The following YWHAG variants were observed in gnomAD, a reference collection of about 807,000 sequenced individuals.
The protein encoded by YWHAG is tyrosine 3-monooxygenase/tryptophan 5-monooxygenase activation protein gamma, also known as 14-3-3 protein gamma.
YWHAG carries 1 observed loss-of-function variant against 23.3 expected under a neutral mutation model. That is an observed-to-expected ratio of 0.04 (90% CI 0.02 to 0.20). YWHAG has a LOEUF of 0.20. YWHAG is among the 10% of genes least tolerant of loss of function. YWHAG has a pLI of 1.00. For missense variants in YWHAG, 151 were observed against 338.6 expected (o/e 0.45, Z 4.35); for synonymous variants, 160 against 144.0 (o/e 1.11, Z -0.80).
chr7:76,358,687 G>A, intron 1 of YWHAG, 35 bp downstream of exon 1: 2 of 1,534,850 alleles, frequency 1.3e-6, no homozygotes, highest in East Asian at 5.1e-5. Context: ...CTTCGGAGGG[G>A]CAGGGAGCGG....
At chr7:76,344,098 T>A (rs1297332575) in intron 1 of YWHAG, among the ~76,000 whole-genome samples, 1 of 152,124 alleles carries the variant, frequency 6.6e-6, no homozygotes, top group South Asian at 2.1e-4. Flanking sequence ...GGTACAGGAC[T>A]TTAAGCAAAC....
intron 1 of YWHAG, among the ~76,000 whole-genome samples, chr7:76,354,364 C>T (rs570571228): frequency 3.3e-5 from 5 of 151,548 alleles, no homozygotes; most frequent in African/African-American, 4.8e-5. Context: ...TACAAAAATT[C>T]ACTGGGCGTG....
In YWHAG at chr7:76,358,759, G is replaced by A; in HGVS notation, c.50C>T (p.Ala17Val). ...CGCGGCCATGTCGTCGTAGCGCTCC[G>A]CCTGCTCGGCCAGCCGGGCTTTCTG... ...LVQKARLAEQ[A>V]ERYDDMAAAM... Residue 17 changes from alanine (A) to valine (V), a missense_variant, in exon 1 of 2, where the codon GCG becomes GTG. Ala to Val is a moderately conservative substitution (Grantham distance 64). Transcript: ENST00000307630. The A allele has an allele frequency of 6.3e-7, 1 of 1,594,170 alleles. No homozygotes were observed. The highest frequency in any genetic ancestry group is 8.5e-7 in the Non-Finnish European group (1 of 1,171,790).
chr7:76,328,964 T>C lies in YWHAG; in HGVS notation c.*613A>G, dbSNP rs571008155. 1.3e-5 allele frequency: 2 copies of C among 152,696 alleles called. No homozygotes were observed. Among genetic ancestry groups the C allele is most frequent in the Middle Eastern group, 3.2e-3 (1 of 316 alleles). 9.5% of individuals were successfully genotyped at this position (152,696 alleles called of 1,614,324 possible). ...ACACAATCGATGGCTTGATGTTACA[T>C]ATGGCTGTAATGTAGAAATACTGTA... On this transcript the variant is annotated 3_prime_UTR_variant, in exon 2 of 2. Coordinates refer to ENST00000307630, the MANE Select transcript of YWHAG (RefSeq NM_012479.4).
intron 1 of YWHAG, among the ~76,000 whole-genome samples, chr7:76,339,549 T>C (rs1226682180): frequency 1.3e-5 from 2 of 152,174 alleles, no homozygotes; most frequent in East Asian, 1.9e-4. Flanking sequence ...GATACCTTTA[T>C]ACGGTTAGTA....
In YWHAG at chr7:76,351,971, G is replaced by T. The variant is rs147113738; in HGVS notation, c.87+6751C>A. On this transcript the variant is annotated intron_variant, in intron 1 of 1. Transcript: ENST00000307630. ...AAAGGTTGGGGACCACTGCTCTTTA[G>T]CCTACCCAGGCCAGGCGGGCCCTCA... Among the ~76,000 whole-genome samples, 564 of 152,212 alleles carry T rather than the reference G, an allele frequency of 3.7e-3. 1 individual carries two copies. Among genetic ancestry groups the T allele is most frequent in the African/African-American group, 0.013 (546 of 41,514 alleles).
chr7:76,329,512 CT>C lies in YWHAG; in HGVS notation c.*64del. On this transcript the variant is annotated 3_prime_UTR_variant, in exon 2 of 2. Transcript: ENST00000307630. This position sits in a 1 kb window ranked among gnomAD's most constrained non-coding sequence, Gnocchi z 6.1. ...TTTCCCTCCCCCACCCGACCCCCAA[CT>C]CATGGGAAAAAAATAAAGACTGCAG... 4.2e-6 allele frequency: 4 copies of C among 949,360 alleles called. No homozygotes were observed. Among genetic ancestry groups the C allele is most frequent in the South Asian group, 1.6e-5 (1 of 60,922 alleles). The allele number at this position is 949,360 out of a possible 1,614,324, so 58.8% of individuals were successfully genotyped here.
chr7:76,355,193 G>A (rs1015738315), intron 1 of YWHAG, among the ~76,000 whole-genome samples: 76 of 152,188 alleles, frequency 5.0e-4, no homozygotes, highest in African/African-American at 1.8e-3. Context: ...AATCTGATGT[G>A]ACTATGTGAC....
intron 1 of YWHAG, among the ~76,000 whole-genome samples, chr7:76,336,166 A>G (rs1263220072): frequency 1.3e-5 from 2 of 152,232 alleles, no homozygotes; most frequent in Non-Finnish European, 2.9e-5. Context: ...ATGAACAGGC[A>G]GAGCACACAG....
chr7:76,326,949 G>A lies in YWHAG; in HGVS notation c.*2628C>T, dbSNP rs912934800. Reference sequence around the variant, plus strand: ...GAGCTGGAAAAATAATCACTGATTAGACCTTAAAAATAGTTCACTGCATAA... The same window carrying A: ...GAGCTGGAAAAATAATCACTGATTAAACCTTAAAAATAGTTCACTGCATAA... On this transcript the variant is annotated 3_prime_UTR_variant, in exon 2 of 2. Transcript: ENST00000307630. The A allele has an allele frequency of 2.0e-5, 3 of 152,590 alleles. No individual in the cohort carries two copies. Among genetic ancestry groups the A allele is most frequent in the African/African-American group, 7.2e-5 (3 of 41,424 alleles). 9.5% of individuals were successfully genotyped at this position (152,590 alleles called of 1,614,324 possible). A position where few individuals can be genotyped will look rare whatever the true frequency, so the allele number is the denominator to read the frequency against.
chr7:76,341,404 CAA>C (rs1158151013), intron 1 of YWHAG, among the ~76,000 whole-genome samples: 85 of 44,658 alleles, frequency 1.9e-3, no homozygotes, highest in African/African-American at 6.5e-3. Context: ...ACTCTTGCCT[CAA>C]AAAAAAAAAA....
At chr7:76,353,863 G>T (rs926915240) in intron 1 of YWHAG, among the ~76,000 whole-genome samples, 20 of 151,956 alleles carry the variant, frequency 1.3e-4, no homozygotes, top group African/African-American at 3.9e-4. Context: ...GAGTCCAGGA[G>T]CTCAAGACCA....
At chr7:76,358,115 G>T (rs557520635) in intron 1 of YWHAG, among the ~76,000 whole-genome samples, 402 of 152,310 alleles carry the variant, frequency 2.6e-3, no homozygotes, top group African/African-American at 9.6e-3. Flanking sequence ...CTTTTGTTAA[G>T]AAAAACGTGA....
At chr7:76,334,541 G>C (rs1231868909) in intron 1 of YWHAG, among the ~76,000 whole-genome samples, 1 of 150,322 alleles carries the variant, frequency 6.7e-6, no homozygotes, top group Non-Finnish European at 1.5e-5. Flanking sequence ...TCAGCCTCCA[G>C]AGAAGCTGGG....
In YWHAG at chr7:76,327,668, G is replaced by GGCCC. The variant is rs1803465694; in HGVS notation, c.*1908_*1909insGGGC. The GGCCC allele has an allele frequency of 2.1e-5, 1 of 47,086 alleles. No homozygotes were observed. Among genetic ancestry groups the GGCCC allele is most frequent in the Non-Finnish European group, 3.7e-5 (1 of 27,254 alleles). The allele number at this position is 47,086 out of a possible 1,614,324, so 2.9% of individuals were successfully genotyped here. On this transcript the variant is annotated 3_prime_UTR_variant, in exon 2 of 2. Transcript: ENST00000307630. ...AATTAGGGAAAGCCCCACCTACCCT[G>GGCCC]CCCCCCCCCCCCTCCCCCCCCAAAT...
intron 1 of YWHAG, among the ~76,000 whole-genome samples, chr7:76,330,787 C>T (rs933709498): frequency 1.3e-5 from 2 of 152,174 alleles, no homozygotes; most frequent in African/African-American, 4.8e-5. Context: ...ACCCAGGGAA[C>T]ATGTTATTTG....
chr7:76,350,263 A>T (rs1364183569), intron 1 of YWHAG, among the ~76,000 whole-genome samples: 9 of 152,196 alleles, frequency 5.9e-5, no homozygotes, highest in Non-Finnish European at 8.8e-5. Context: ...TCCTTCCTAG[A>T]GGACAAAGGG....
At chr7:76,349,692 T>TAG (rs2115643402) in intron 1 of YWHAG, among the ~76,000 whole-genome samples, 1 of 152,300 alleles carries the variant, frequency 6.6e-6, no homozygotes, top group East Asian at 1.9e-4. Flanking sequence ...CCTCAATAAA[T>TAG]AGATCAAGTT....
intron 1 of YWHAG, among the ~76,000 whole-genome samples, chr7:76,342,291 A>G (rs1489710800): frequency 2.0e-5 from 3 of 152,194 alleles, no homozygotes; most frequent in Non-Finnish European, 4.4e-5. Context: ...AATACGGAGG[A>G]AAAAGTCAAA....
Sources: allele counts gnomAD v4.1 joint callset (sites outside exome capture counted in the v4.1 genomes callset), GRCh38; gene constraint gnomAD v4.1.1; non-coding constraint Gnocchi (gnomAD v3.1); transcripts MANE v1.5; gene names NCBI Gene and HGNC (gene_info 2026-07-23, HGNC 2026-07-21).